KIF17: variants seen among roughly 807,000 people sequenced by gnomAD.
KIF17 encodes the protein kinesin-like protein KIF17.
A neutral mutation model predicts 96.8 loss-of-function variants in KIF17; 80 were observed. The observed-to-expected ratio is 0.83, with a 90% CI of 0.69 to 1.00. The LOEUF (loss-of-function observed/expected upper bound fraction) is 1.00, where lower values mean the gene tolerates loss of function less well. KIF17 is among the 50% of genes least tolerant of loss of function. The pLI is 0.00. For synonymous variants in KIF17, 567 were observed against 587.5 expected (o/e 0.97, Z 0.51); for missense variants, 1,280 against 1,372.9 (o/e 0.93, Z 1.07).
At position 20,671,984 on chromosome 1, in the gene KIF17, GA is replaced by G; in HGVS notation, c.2675del (p.Phe892SerfsTer16). ...RESCWDEDNG[F>X]WKIPHPVITK... Reference sequence around the variant, plus strand: ...TGATGACGGGATGTGGGATCTTCCAGAAGCCGTTATCTTCGTCCCAGCAGGA... The same window carrying G: ...TGATGACGGGATGTGGGATCTTCCAGAGCCGTTATCTTCGTCCCAGCAGGA... On this transcript the variant is annotated frameshift_variant, in exon 12 of 15. Transcript: ENST00000400463. LOFTEE classifies it high-confidence loss of function. The G allele has an allele frequency of 6.2e-7, 1 of 1,613,828 alleles. No homozygotes were observed. Among genetic ancestry groups the G allele is most frequent in the Non-Finnish European group, 8.5e-7 (1 of 1,180,016 alleles).
At position 20,684,932 on chromosome 1, in the gene KIF17, A is replaced by AGGGCCACCGGGGCCT. The variant is rs1553150313; in HGVS notation, c.2093_2107dup (p.Gln698_Ala702dup). On this transcript the variant is annotated inframe_insertion, in exon 10 of 15. Transcript: ENST00000400463. ...CGGCAGGGGCTCAGGCTGAGCCACC[A>AGGGCCACCGGGGCCT]GGGCCACCGGGGCCTGAGCCTCCAA... The AGGGCCACCGGGGCCT allele has an allele frequency of 6.3e-7, 1 of 1,599,930 alleles. No homozygotes were observed. The highest frequency in any genetic ancestry group is 2.3e-5 in the East Asian group (1 of 44,020).
In KIF17 at chr1:20,664,319, G is replaced by A; in HGVS notation, c.*265C>T. ...GGCATGGGTGTGGGCTCTGTGGCAG[G>A]TGAGCAGACGGAAACACTGATGTGG... On this transcript the variant is annotated 3_prime_UTR_variant, in exon 15 of 15. Transcript: ENST00000400463. The A allele has an allele frequency of 1.4e-6, 2 of 1,381,460 alleles. No homozygotes were observed. Among genetic ancestry groups the A allele is most frequent in the Non-Finnish European group, 1.9e-6 (2 of 1,064,862 alleles). The allele number at this position is 1,381,460 out of a possible 1,614,324, so 85.6% of individuals were successfully genotyped here. A position where few individuals can be genotyped will look rare whatever the true frequency, so the allele number is the denominator to read the frequency against.
In KIF17 at chr1:20,682,861, A is replaced by C; in HGVS notation, c.2255T>G (p.Val752Gly). ...LARLQLLEQQ[V>G]VGGEQAKNKD... ...GTTCTTGGCCTGCTCTCCACCCACA[A>C]CCTGCTGCTCCAACAGCTGCAGACT... The change falls in exon 11 of 15, where the codon GTT becomes GGT. Residue 752 changes from valine to glycine, a missense_variant. By Grantham distance (109) the Val-to-Gly change is moderately radical. Coordinates refer to ENST00000400463, the MANE Select transcript of KIF17 (RefSeq NM_001122819.3). 1 of 1,611,202 alleles carries C rather than the reference A, an allele frequency of 6.2e-7. No homozygotes were observed. The highest frequency in any genetic ancestry group is 8.5e-7 in the Non-Finnish European group (1 of 1,179,884).
chr1:20,666,113 G>T (rs630484), intron 14 of KIF17, 101 bp downstream of exon 14: 336,485 of 887,418 alleles, frequency 0.38, 65,080 homozygotes, highest in Middle Eastern at 0.45. Flanking sequence ...CTCCGAGAGG[G>T]AAAGGAGTTT....
At chr1:20,689,770 C>T (rs1362485589) in intron 7 of KIF17, among the ~76,000 whole-genome samples, 1 of 146,900 alleles carries the variant, frequency 6.8e-6, no homozygotes, top group Non-Finnish European at 1.5e-5. Context: ...CAGAGAGGCT[C>T]AAAAGTAAGA....
At chr1:20,676,424 A>C (rs710317) in intron 11 of KIF17, among the ~76,000 whole-genome samples, 92,402 of 152,110 alleles carry the variant, frequency 0.61, 28,548 homozygotes, top group Non-Finnish European at 0.68. Flanking sequence ...AAAAGAACAA[A>C]CATGCTAATA....
chr1:20,692,864 C>T (rs1173529610), intron 6 of KIF17: 1 of 151,652 alleles, frequency 6.6e-6, no homozygotes, highest in Non-Finnish European at 1.5e-5. Context: ...ACCTCCACCT[C>T]CCAGGTTGCA....
chr1:20,687,501 A>AC lies in KIF17; in HGVS notation c.1824dup (p.Leu609ValfsTer50). ...GCAAACGGGTCCTGCAGGCCTAGTAACCCCTGCAGGGGCACCTCCTGCGGC... is the reference window on the plus strand; with the variant it reads ...GCAAACGGGTCCTGCAGGCCTAGTAACCCCCTGCAGGGGCACCTCCTGCGGC... On this transcript the variant is annotated frameshift_variant, in exon 8 of 15. Transcript: ENST00000400463. LOFTEE classifies it high-confidence loss of function. The surrounding 1 kb of genome is among the most constrained non-coding windows in gnomAD (Gnocchi z 4.4). 1 of 1,613,450 alleles carries AC rather than the reference A, an allele frequency of 6.2e-7. No homozygotes were observed. The highest frequency in any genetic ancestry group is 1.3e-5 in the African/African-American group (1 of 74,978).
chr1:20,686,496 C>A lies in KIF17; in HGVS notation c.1939-370G>T, dbSNP rs1049886919. 5 of 251,226 alleles carry A rather than the reference C, an allele frequency of 2.0e-5. No homozygotes were observed. In the African/African-American group the frequency reaches 2.9e-4, roughly 15 times the overall value. 15.6% of individuals were successfully genotyped at this position (251,226 alleles called of 1,614,324 possible). A position where few individuals can be genotyped will look rare whatever the true frequency, so the allele number is the denominator to read the frequency against. ...ATACACACACACAGACACACACACACAAAATACACACACACACACACAGAG... is the reference window on the plus strand; with the variant it reads ...ATACACACACACAGACACACACACAAAAAATACACACACACACACACAGAG... On this transcript the variant is annotated intron_variant, in intron 8 of 14. Transcript: ENST00000400463.
chr1:20,665,426 G>T (rs1459285210), intron 14 of KIF17, among the ~76,000 whole-genome samples: 1 of 140,494 alleles, frequency 7.1e-6, no homozygotes, highest in African/African-American at 2.7e-5. Flanking sequence ...TTGAGACAGG[G>T]TCTCACTCTG....
At chr1:20,675,498 C>T (rs552358225) in intron 11 of KIF17, among the ~76,000 whole-genome samples, 5 of 152,082 alleles carry the variant, frequency 3.3e-5, no homozygotes, top group African/African-American at 7.2e-5. Flanking sequence ...GGTTTATTTC[C>T]GGATGCTCAT....
chr1:20,690,352 G>GGGGGGGGGGGGGGGGGGCCCCC lies in KIF17; in HGVS notation c.1234-18_1234-17insGGGGGCCCCCCCCCCCCCCCCC. The GGGGGGGGGGGGGGGGGGCCCCC allele has an allele frequency of 2.2e-6, 1 of 451,172 alleles. No homozygotes were observed. Among genetic ancestry groups the GGGGGGGGGGGGGGGGGGCCCCC allele is most frequent in the Non-Finnish European group, 4.3e-6 (1 of 235,150 alleles). The allele number at this position is 451,172 out of a possible 1,614,324, so 27.9% of individuals were successfully genotyped here. A position where few individuals can be genotyped will look rare whatever the true frequency, so the allele number is the denominator to read the frequency against. ...TTCATACTCCTGGGGGGGTGGGAGG[G>GGGGGGGGGGGGGGGGGGCCCCC]ACCAGAGGGCAGGCAGCATTTTATC... is the stretch of plus-strand genomic sequence containing the variant. On this transcript the variant is annotated splice_polypyrimidine_tract_variant and intron_variant, in intron 6 of 14. Transcript: ENST00000400463.
chr1:20,696,633 G>A (rs570713520), intron 6 of KIF17, among the ~76,000 whole-genome samples: 32 of 152,158 alleles, frequency 2.1e-4, no homozygotes, highest in African/African-American at 7.7e-4. Context: ...ACTGGACAGC[G>A]GGGGCCGCCG....
chr1:20,681,480 C>A (rs568273458), intron 11 of KIF17, among the ~76,000 whole-genome samples: 31 of 152,040 alleles, frequency 2.0e-4, no homozygotes, highest in Non-Finnish European at 4.0e-4. Flanking sequence ...GCGAGAGCCA[C>A]CGCGCCCAGC....
At chr1:20,712,933 TATA>T (rs1453312773) in intron 3 of KIF17, among the ~76,000 whole-genome samples, 37 of 105,132 alleles carry the variant, frequency 3.5e-4, no homozygotes, top group African/African-American at 1.2e-3. Flanking sequence ...CTATATTATC[TATA>T]ATATTATCTA....
intron 5 of KIF17, among the ~76,000 whole-genome samples, chr1:20,701,298 G>T (rs1233792814): frequency 6.6e-6 from 1 of 152,162 alleles, no homozygotes; most frequent in Non-Finnish European, 1.5e-5. Flanking sequence ...GGGCATGGTG[G>T]TGCGTGCCTG....
At position 20,717,523 on chromosome 1, in the gene KIF17, G is replaced by A. The variant is rs748329683; in HGVS notation, c.184C>T (p.His62Tyr). Residue 62 changes from histidine (H) to tyrosine (Y), a missense_variant, in exon 1 of 15, where the codon CAC becomes TAC. His to Tyr is a moderately conservative substitution (Grantham distance 83). Transcript: ENST00000400463. ...FTFDGAYHVD[H>Y]VTEQIYNEIA... Reference sequence around the variant, plus strand: ...TCGTTGTAGATCTGCTCGGTGACGTGGTCCACGTGGTAGGCGCCGTCGAAG... The same window carrying A: ...TCGTTGTAGATCTGCTCGGTGACGTAGTCCACGTGGTAGGCGCCGTCGAAG... The A allele has an allele frequency of 5.6e-6, 9 of 1,611,864 alleles. No individual in the cohort carries two copies. The highest frequency in any genetic ancestry group is 7.6e-6 in the Non-Finnish European group (9 of 1,179,614).
chr1:20,684,267 C>T (rs900670510), intron 10 of KIF17, among the ~76,000 whole-genome samples: 8 of 152,250 alleles, frequency 5.3e-5, no homozygotes, highest in Admixed American at 2.0e-4. Context: ...ACTCAGGGGT[C>T]GCTCAGTGTT....
At chr1:20,675,779 G>C (rs1049135363) in intron 11 of KIF17, among the ~76,000 whole-genome samples, 2 of 152,188 alleles carry the variant, frequency 1.3e-5, no homozygotes, top group African/African-American at 4.8e-5. Context: ...TCACCAATAT[G>C]AGTCTGCCAA....
Sources: gnomAD v4.1 joint callset for allele counts (sites outside exome capture counted in the v4.1 genomes callset) on GRCh38, gnomAD v4.1.1 for gene constraint, Gnocchi (gnomAD v3.1) non-coding constraint, MANE v1.5 for transcripts, NCBI Gene and HGNC (gene_info 2026-07-23, HGNC 2026-07-21) for gene names.